ABCB1: variants seen among roughly 807,000 people sequenced by gnomAD.
ABCB1 encodes the protein ATP binding cassette subfamily B member 1, also known as ATP-dependent translocase ABCB1.
In ABCB1, 69 loss-of-function variants were observed where a neutral mutation model predicts 142.0. That is an observed-to-expected ratio of 0.49 (90% CI 0.40 to 0.59). The LOEUF is 0.59. Ranked by LOEUF, ABCB1 falls within the 20% of genes least tolerant of loss-of-function variation. The pLI is 0.00. For missense variants in ABCB1, 1,326 were observed against 1,554.7 expected (o/e 0.85, Z 2.47); for synonymous variants, 532 against 539.2 (o/e 0.99, Z 0.18).
intron 1 of ABCB1, among the ~76,000 whole-genome samples, chr7:87,613,249 CTTTA>C (rs1819919224): frequency 8.1e-6 from 1 of 123,904 alleles, no homozygotes; most frequent in South Asian, 2.4e-4. Context: ...TTTGAATGTC[CTTTA>C]TTTCTTTTTT....
chr7:87,594,658 C>T (rs941064528), intron 3 of ABCB1, among the ~76,000 whole-genome samples: 1 of 152,134 alleles, frequency 6.6e-6, no homozygotes, highest in Non-Finnish European at 1.5e-5. Flanking sequence ...CTAAGAATGA[C>T]TCAAGTACAT....
chr7:87,569,983 T>C (rs866611536), intron 5 of ABCB1, among the ~76,000 whole-genome samples, 189 bp downstream of exon 5: 1 of 152,240 alleles, frequency 6.6e-6, no homozygotes, highest in South Asian at 2.1e-4. Flanking sequence ...CATTTTAAGC[T>C]TAACTCTAAC....
At chr7:87,540,509 T>C (rs537562109) in intron 18 of ABCB1, among the ~76,000 whole-genome samples, 2 of 152,214 alleles carry the variant, frequency 1.3e-5, no homozygotes, top group African/African-American at 4.8e-5. Flanking sequence ...GGCACGATCA[T>C]GGCTCACAGC....
intron 16 of ABCB1, 104 bp from the exon 17 acceptor site, chr7:87,544,379 CT>C: frequency 8.9e-7 from 1 of 1,117,644 alleles, no homozygotes; most frequent in Non-Finnish European, 1.3e-6. Context: ...ATCCTTATTC[CT>C]TATCAATGAA....
intron 1 of ABCB1, among the ~76,000 whole-genome samples, chr7:87,668,132 G>C (rs1330477698): frequency 7.1e-6 from 1 of 140,496 alleles, no homozygotes; most frequent in Non-Finnish European, 1.6e-5. Context: ...TTTTTTTTTT[G>C]GTAGGCTATT....
intron 17 of ABCB1, 47 bp from the exon 18 acceptor site, chr7:87,541,511 C>T (rs1816536638): frequency 7.9e-7 from 1 of 1,265,192 alleles, no homozygotes; most frequent in African/African-American, 1.5e-5. Context: ...AGTGAAGAAC[C>T]CATCCTGGAC....
intron 1 of ABCB1, among the ~76,000 whole-genome samples, chr7:87,662,665 A>G (rs1484378902): frequency 6.6e-6 from 1 of 152,120 alleles, no homozygotes; most frequent in Non-Finnish European, 1.5e-5. Flanking sequence ...GCCCTGTAGT[A>G]TACTTTGAAG....
At chr7:87,696,791 G>A (rs762436392) in intron 1 of ABCB1, among the ~76,000 whole-genome samples, 19 of 152,080 alleles carry the variant, frequency 1.2e-4, no homozygotes, top group Admixed American at 3.9e-4. Flanking sequence ...ATGATATGCC[G>A]TCCTGTCAAT....
intron 25 of ABCB1, among the ~76,000 whole-genome samples, chr7:87,511,994 C>T (rs191479569): frequency 1.0e-3 from 159 of 152,044 alleles, no homozygotes; most frequent in Non-Finnish European, 1.9e-3. Context: ...CATGTAAATT[C>T]TGGGAAGTCG....
chr7:87,516,250 A>C (rs1443549588), intron 24 of ABCB1, among the ~76,000 whole-genome samples: 1 of 152,200 alleles, frequency 6.6e-6, no homozygotes, highest in Admixed American at 6.5e-5. Context: ...TGTCTCTAAA[A>C]AAAAATTGTT....
At chr7:87,620,213 T>G (rs1446207048) in intron 1 of ABCB1, among the ~76,000 whole-genome samples, 7 of 152,094 alleles carry the variant, frequency 4.6e-5, no homozygotes, top group Non-Finnish European at 1.0e-4. Context: ...CAGGCTGGAC[T>G]GCAATGGCAC....
At chr7:87,636,842 G>T (rs1346606429) in intron 1 of ABCB1, among the ~76,000 whole-genome samples, 1 of 152,164 alleles carries the variant, frequency 6.6e-6, no homozygotes, top group Non-Finnish European at 1.5e-5. Flanking sequence ...ACATACCTGA[G>T]ACTGGGTAAT....
chr7:87,647,335 T>C (rs898700112), intron 1 of ABCB1, among the ~76,000 whole-genome samples: 1 of 152,188 alleles, frequency 6.6e-6, no homozygotes, highest in African/African-American at 2.4e-5. Flanking sequence ...TCTTTTTTAT[T>C]AAAAATTCCC....
intron 25 of ABCB1, among the ~76,000 whole-genome samples, chr7:87,510,129 C>T (rs1007991528): frequency 1.3e-5 from 2 of 152,214 alleles, no homozygotes; most frequent in Non-Finnish European, 2.9e-5. Flanking sequence ...TTGTTTTAAG[C>T]CACTGAATTT....
chr7:87,689,963 G>A (rs890723229), intron 1 of ABCB1, among the ~76,000 whole-genome samples: 2 of 151,978 alleles, frequency 1.3e-5, no homozygotes, highest in Admixed American at 6.6e-5. Flanking sequence ...ATCTTTGAAT[G>A]TTTAAATAGC....
At chr7:87,634,496 G>A (rs1044890046) in intron 1 of ABCB1, among the ~76,000 whole-genome samples, 1 of 36,658 alleles carries the variant, frequency 2.7e-5, no homozygotes, top group Non-Finnish European at 7.2e-5. Context: ...GTGGGGGGTG[G>A]GGGGGGGGGC....
rs868832705 is a variant in ABCB1, at chr7:87,679,242, G to A, written c.-331+33919C>T. 4.0e-5 allele frequency among the ~76,000 whole-genome samples: 6 copies of A among 148,648 alleles called. 1 individual carries two copies. Among genetic ancestry groups the A allele is most frequent in the South Asian group, 2.1e-4 (1 of 4,728 alleles). ...CAAGAAGCTGGGACTACAGGTGCCC[G>A]CCACCACGCCCGGGTAATTTTTTTG... On this transcript the variant is annotated intron_variant, in intron 1 of 28. Coordinates refer to the ABCB1 transcript ENST00000265724.
At chr7:87,515,637 C>A (rs1815206537) in intron 24 of ABCB1, among the ~76,000 whole-genome samples, 1 of 152,024 alleles carries the variant, frequency 6.6e-6, no homozygotes, top group South Asian at 2.1e-4. Flanking sequence ...GTCACCCAGG[C>A]TGGAGTGCAG....
upstream of ABCB1, among the ~76,000 whole-genome samples, chr7:87,602,064 G>T (rs1278968871): frequency 6.6e-6 from 1 of 152,044 alleles, no homozygotes; most frequent in Non-Finnish European, 1.5e-5. Flanking sequence ...CAGGATCTCG[G>T]CTCACTGCAA....
Sources: allele counts gnomAD v4.1 joint callset (sites outside exome capture counted in the v4.1 genomes callset), GRCh38; gene constraint gnomAD v4.1.1; transcripts MANE v1.5; gene names NCBI Gene and HGNC (gene_info 2026-07-23, HGNC 2026-07-21).